Variants in PCDHGB4 observed in about 807,000 individuals in gnomAD.
PCDHGB4 encodes the protein protocadherin gamma subfamily B, 4, also known as protocadherin gamma-B4.
A neutral mutation model predicts 60.5 loss-of-function variants in PCDHGB4; 38 were observed. The observed-to-expected ratio is 0.63, with a 90% CI of 0.48 to 0.82. The LOEUF is 0.82. Among genes scored for constraint, PCDHGB4 ranks in the 40% least tolerant of loss-of-function variants. The pLI is 0.00. For missense variants in PCDHGB4, 1,109 were observed against 1,209.6 expected (o/e 0.92, Z 1.23); for synonymous variants, 456 against 509.7 (o/e 0.89, Z 1.42).
Position 141,487,289 on chromosome 5 carries a change from G to A in PCDHGB4, c.2398-7518G>A. The A allele has an allele frequency of 1.2e-6, 2 of 1,614,096 alleles. No individual in the cohort carries two copies. The highest frequency in any genetic ancestry group is 1.7e-6 in the Non-Finnish European group (2 of 1,180,024). On this transcript the variant is annotated intron_variant, in intron 1 of 3. Coordinates refer to ENST00000519479, the MANE Select transcript of PCDHGB4 (RefSeq NM_003736.4). The surrounding 1 kb of genome is among the most constrained non-coding windows in gnomAD (Gnocchi z 5.0). ...AGTGGCAATTTGCTTTGTCTCCTTTGGCTCATTCGTGGCACTACTCTCTAA... is the reference window on the plus strand; with the variant it reads ...AGTGGCAATTTGCTTTGTCTCCTTTAGCTCATTCGTGGCACTACTCTCTAA...
Position 141,485,581 on chromosome 5 carries a change from G to C in PCDHGB4, c.2398-9226G>C. The C allele has an allele frequency of 6.2e-7, 1 of 1,612,458 alleles. No individual in the cohort carries two copies. The highest frequency in any genetic ancestry group is 8.5e-7 in the Non-Finnish European group (1 of 1,178,652). ...ATCACGCCCCCCGTTTTCCGCGGCA[G>C]CAGCTGGACTTGGAAATTGGGGAGG... On this transcript the variant is annotated intron_variant, in intron 1 of 3. Coordinates refer to ENST00000519479, the MANE Select transcript of PCDHGB4 (RefSeq NM_003736.4). This position sits in a 1 kb window ranked among gnomAD's most constrained non-coding sequence, Gnocchi z 5.7.
Position 141,410,620 on chromosome 5 carries a change from G to A in PCDHGB4, c.2397+20339G>A, listed in dbSNP as rs765125633. 4 of 1,603,524 alleles carry A rather than the reference G, an allele frequency of 2.5e-6. No homozygotes were observed. In the South Asian group the frequency reaches 3.3e-5, roughly 13 times the overall value. On this transcript the variant is annotated intron_variant, in intron 1 of 3. Coordinates refer to ENST00000519479, the MANE Select transcript of PCDHGB4 (RefSeq NM_003736.4). The stretch of plus-strand genomic sequence containing the variant: ...CTTCACATCCTGAGACTCTGACTTC[G>A]GTGAGTTTCTCTTTTTTGTGTGTGA...
chr5:141,501,836 T>G (rs2099811283), intron 2 of PCDHGB4, among the ~76,000 whole-genome samples: 1 of 152,136 alleles, frequency 6.6e-6, no homozygotes, highest in Non-Finnish European at 1.5e-5. Context: ...CCCACCTGTT[T>G]GGCCCTCAAC....
chr5:141,420,477 A>T (rs1469261817), intron 1 of PCDHGB4: 3 of 626,262 alleles, frequency 4.8e-6, no homozygotes, highest in Non-Finnish European at 7.0e-6. Flanking sequence ...TTTAAAGCAA[A>T]CTACATGGGT....
In PCDHGB4 at chr5:141,431,814, T is replaced by C. The variant is rs1300319049; in HGVS notation, c.2397+41533T>C. 1 of 1,614,246 alleles carries C rather than the reference T, an allele frequency of 6.2e-7. No homozygotes were observed. Among genetic ancestry groups the C allele is most frequent in the Non-Finnish European group, 8.5e-7 (1 of 1,180,044 alleles). ...GCCCCAGAAGTGGTCCTCACCTCTC[T>C]CGCCAGCTCGGTTCCCGAAAACTCT... On this transcript the variant is annotated intron_variant, in intron 1 of 3. Coordinates refer to ENST00000519479, the MANE Select transcript of PCDHGB4 (RefSeq NM_003736.4). The surrounding 1 kb of genome is among the most constrained non-coding windows in gnomAD (Gnocchi z 4.8).
At position 141,477,843 on chromosome 5, in the gene PCDHGB4, C is replaced by T; in HGVS notation, c.2398-16964C>T. The T allele has an allele frequency of 6.2e-7, 1 of 1,613,408 alleles. No homozygotes were observed. Among genetic ancestry groups the T allele is most frequent in the Non-Finnish European group, 8.5e-7 (1 of 1,179,796 alleles). On this transcript the variant is annotated intron_variant, in intron 1 of 3. Coordinates refer to ENST00000519479, the MANE Select transcript of PCDHGB4 (RefSeq NM_003736.4). The surrounding 1 kb of genome is among the most constrained non-coding windows in gnomAD (Gnocchi z 4.9). Reference sequence around the variant, plus strand: ...CTATATCCTCGGCCAGGTGGGAGCTCGGTGGAGATGCTGCCTCGAGGTACC... The same window carrying T: ...CTATATCCTCGGCCAGGTGGGAGCTTGGTGGAGATGCTGCCTCGAGGTACC...
At chr5:141,449,349 G>C (rs191322076) in intron 1 of PCDHGB4, among the ~76,000 whole-genome samples, 2 of 152,074 alleles carry the variant, frequency 1.3e-5, no homozygotes, top group African/African-American at 4.8e-5. Flanking sequence ...GCTCACTCCT[G>C]TAATCCCAGC....
In PCDHGB4 at chr5:141,486,043, A is replaced by G. The variant is rs1193580610; in HGVS notation, c.2398-8764A>G. 6.2e-7 allele frequency: 1 copy of G among 1,614,050 alleles called. No homozygotes were observed. Among genetic ancestry groups the G allele is most frequent in the African/African-American group, 1.3e-5 (1 of 74,918 alleles). ...GTGGTCATACCCCTGATCGTGTAAG[A>G]AACCTCTTTAGCCTGCACCCCACTA... On this transcript the variant is annotated intron_variant, in intron 1 of 3. Transcript: ENST00000519479. This position sits in a 1 kb window ranked among gnomAD's most constrained non-coding sequence, Gnocchi z 5.0.
chr5:141,392,700 T>C, intron 1 of PCDHGB4: 1 of 1,257,648 alleles, frequency 8.0e-7, no homozygotes, highest in Non-Finnish European at 1.1e-6. Flanking sequence ...GACCCCTGTT[T>C]GGAGGCACTC....
Position 141,431,529 on chromosome 5 carries a change from T to C in PCDHGB4, c.2397+41248T>C, listed in dbSNP as rs145601545. 166 of 1,614,074 alleles carry C rather than the reference T, an allele frequency of 1.0e-4. No individual in the cohort carries two copies. In the African/African-American group the frequency reaches 2.0e-3, roughly 19 times the overall value. On this transcript the variant is annotated intron_variant, in intron 1 of 3. Coordinates refer to ENST00000519479, the MANE Select transcript of PCDHGB4 (RefSeq NM_003736.4). The surrounding 1 kb of genome is among the most constrained non-coding windows in gnomAD (Gnocchi z 4.8). The stretch of plus-strand genomic sequence containing the variant: ...GCGAGCGTTCCGGAGAATCTGGCCT[T>C]GGGCACGCAGCTGCTTGTAGTCAAC...
rs1266310917 is a variant in PCDHGB4 at position 141,486,868 on chromosome 5, G to A, written c.2398-7939G>A. 2 of 1,614,104 alleles carry A rather than the reference G, an allele frequency of 1.2e-6. No homozygotes were observed. Among genetic ancestry groups the A allele is most frequent in the Non-Finnish European group, 1.7e-6 (2 of 1,180,056 alleles). ...ACCTCAATGACAATGCTCCAGCTGT[G>A]CTCCGTCCTCGGGCCCGGCCTGGTT... On this transcript the variant is annotated intron_variant, in intron 1 of 3. Transcript: ENST00000519479. The surrounding 1 kb of genome is among the most constrained non-coding windows in gnomAD (Gnocchi z 5.0).
intron 1 of PCDHGB4, chr5:141,423,852 GT>G (rs971165220): frequency 2.5e-5 from 32 of 1,279,282 alleles, no homozygotes; most frequent in Non-Finnish European, 3.0e-5. Context: ...CTTTCAGAAC[GT>G]TTTTGTGAAA....
chr5:141,478,096 T>C (rs749277013), intron 1 of PCDHGB4: 1 of 1,614,074 alleles, frequency 6.2e-7, no homozygotes, highest in South Asian at 1.1e-5. Context: ...CCACCACTGC[T>C]ACCCTCACTG....
intron 1 of PCDHGB4, chr5:141,478,142 G>A: frequency 3.7e-6 from 6 of 1,613,988 alleles, no homozygotes; most frequent in Non-Finnish European, 4.2e-6. Flanking sequence ...AGCCCGAGCC[G>A]AGTTCCCCTC....
At chr5:141,464,861 C>G (rs1178430383) in intron 1 of PCDHGB4, among the ~76,000 whole-genome samples, 1 of 152,134 alleles carries the variant, frequency 6.6e-6, no homozygotes, top group Non-Finnish European at 1.5e-5. Flanking sequence ...ACCTTAGCCT[C>G]CCAAGTAGCT....
At chr5:141,438,136 A>C (rs2097931548) in intron 1 of PCDHGB4, among the ~76,000 whole-genome samples, 1 of 152,186 alleles carries the variant, frequency 6.6e-6, no homozygotes, top group Non-Finnish European at 1.5e-5. Flanking sequence ...TAATGGCAAA[A>C]GATAGCCAGC....
At chr5:141,475,840 A>G (rs1039073157) in intron 1 of PCDHGB4, 2 of 434,770 alleles carry the variant, frequency 4.6e-6, no homozygotes, top group Non-Finnish European at 8.2e-6. Context: ...TGTCCTGCTC[A>G]GAGAGCCCGG....
At position 141,476,247 on chromosome 5, in the gene PCDHGB4, G is replaced by C. The variant is rs1439421662; in HGVS notation, c.2398-18560G>C. 1 of 1,614,042 alleles carries C rather than the reference G, an allele frequency of 6.2e-7. No individual in the cohort carries two copies. Among genetic ancestry groups the C allele is most frequent in the Non-Finnish European group, 8.5e-7 (1 of 1,180,010 alleles). ...GAGATCCCGGAGGAAAGAGAGAAGG[G>C]TTTCGCTGTGGGCAACGTGGTCGCG... On this transcript the variant is annotated intron_variant, in intron 1 of 3. Coordinates refer to ENST00000519479, the MANE Select transcript of PCDHGB4 (RefSeq NM_003736.4). The surrounding 1 kb of genome is among the most constrained non-coding windows in gnomAD (Gnocchi z 7.6).
intron 1 of PCDHGB4, among the ~76,000 whole-genome samples, chr5:141,438,581 TACATAC>T (rs2097977343): frequency 4.0e-5 from 2 of 49,846 alleles, no homozygotes; most frequent in Non-Finnish European, 6.5e-5. Flanking sequence ...TATACATACA[TACATAC>T]ATACATATAT....
Sources: allele counts gnomAD v4.1 joint callset (sites outside exome capture counted in the v4.1 genomes callset), GRCh38; gene constraint gnomAD v4.1.1; non-coding constraint Gnocchi (gnomAD v3.1); transcripts MANE v1.5; gene names NCBI Gene and HGNC (gene_info 2026-07-23, HGNC 2026-07-21).